The following AIM2 variants were observed in gnomAD, a reference collection of about 807,000 sequenced individuals.
AIM2 encodes interferon-inducible protein AIM2.
A neutral mutation model predicts 27.7 loss-of-function variants in AIM2; 30 were observed. The observed-to-expected ratio is 1.08, with a 90% CI of 0.81 to 1.47. The LOEUF (loss-of-function observed/expected upper bound fraction) is 1.47. Among genes scored for constraint, AIM2 ranks in the 40% most tolerant of loss-of-function variants. The pLI is 0.00. For synonymous variants in AIM2, 141 were observed against 145.3 expected, an observed-to-expected ratio of 0.97 and a Z score of 0.21; for missense variants, 358 against 411.3, an observed-to-expected ratio of 0.87 and a Z score of 1.12.
At chr1:159,083,239 G>A (rs1656823895) in intron 1 of AIM2, among the ~76,000 whole-genome samples, 1 of 152,178 alleles carries the variant, frequency 6.6e-6, no homozygotes, top group Admixed American at 6.5e-5. Flanking sequence ...AAAGTGGAAA[G>A]AGAGATGATG....
At chr1:159,139,705 G>A (rs1267644689) in intron 1 of AIM2, among the ~76,000 whole-genome samples, 2 of 152,134 alleles carry the variant, frequency 1.3e-5, no homozygotes, top group African/African-American at 2.4e-5. Flanking sequence ...TAAAGAGCTG[G>A]CTCTATCAAA....
chr1:159,065,446 CTCTT>C (rs1464658056), intron 4 of AIM2, among the ~76,000 whole-genome samples: 2 of 152,288 alleles, frequency 1.3e-5, no homozygotes, highest in Non-Finnish European at 2.9e-5. Flanking sequence ...CTCAGGCTAA[CTCTT>C]TCTTCTGTTT....
At position 159,066,016 on chromosome 1, in the gene AIM2, T is replaced by C. The variant is rs1321498233; in HGVS notation, c.710A>G (p.Asn237Ser). 6.2e-7 allele frequency: 1 copy of C among 1,614,200 alleles called. No individual in the cohort carries two copies. The highest frequency in any genetic ancestry group is 1.1e-5 in the South Asian group (1 of 91,090). Reference protein sequence around the residue: ...VLDAESDQKVNVPLNIIRKAG... With the variant: ...VLDAESDQKVSVPLNIIRKAG... Reference sequence around the variant, plus strand: ...TTTTCTGATAATGTTCAGCGGGACATTAACCTTTTGGTCAGATTCAGCATC... The same window carrying C: ...TTTTCTGATAATGTTCAGCGGGACACTAACCTTTTGGTCAGATTCAGCATC... The change falls in exon 4 of 6, where the codon AAT becomes AGT. Residue 237 changes from asparagine (N) to serine (S), a missense_variant. Coordinates refer to ENST00000368130, the MANE Select transcript of AIM2 (RefSeq NM_004833.3).
chr1:159,125,622 A>C (rs1647665845), intron 1 of AIM2, among the ~76,000 whole-genome samples: 1 of 152,186 alleles, frequency 6.6e-6, no homozygotes, highest in South Asian at 2.1e-4. Context: ...AGAAGCTATG[A>C]AATTTTGTCC....
At chr1:159,087,934 A>G (rs1217902008) in intron 1 of AIM2, among the ~76,000 whole-genome samples, 1 of 152,214 alleles carries the variant, frequency 6.6e-6, no homozygotes, top group African/African-American at 2.4e-5. Flanking sequence ...CTGCATTGCC[A>G]GAGTGATCCT....
Position 159,063,468 on chromosome 1 carries a change from G to T in AIM2, c.1005+18C>A, listed in dbSNP as rs757926703. The T allele has an allele frequency of 1.0e-5, 16 of 1,597,786 alleles. No homozygotes were observed. Among genetic ancestry groups the T allele is most frequent in the South Asian group, 5.7e-5 (5 of 87,806 alleles). On this transcript the variant is annotated intron_variant, in intron 5 of 5. Coordinates refer to ENST00000368130, the MANE Select transcript of AIM2 (RefSeq NM_004833.3). ...ATCACCCCCTTGGAGAGTTGACTTT[G>T]TTCCATGCAGTTCCCACCTTTATGG...
intron 1 of AIM2, among the ~76,000 whole-genome samples, chr1:159,121,200 G>A (rs1647526401): frequency 6.6e-6 from 1 of 152,166 alleles, no homozygotes; most frequent in African/African-American, 2.4e-5. Context: ...TCTATTGCCT[G>A]TATAAACTAG....
At chr1:159,063,366 G>C in intron 5 of AIM2, 120 bp downstream of exon 5, 1 of 917,440 alleles carries the variant, frequency 1.1e-6, no homozygotes, top group Non-Finnish European at 1.6e-6. Context: ...AGATGAACGT[G>C]TACTAAATAT....
At chr1:159,072,915 G>A (rs1198141167) in intron 2 of AIM2, among the ~76,000 whole-genome samples, 2 of 152,230 alleles carry the variant, frequency 1.3e-5, no homozygotes, top group Non-Finnish European at 2.9e-5. Flanking sequence ...GTTGGGAGAA[G>A]TTAACTTTGA....
At chr1:159,119,334 G>T (rs1261019337) in intron 1 of AIM2, among the ~76,000 whole-genome samples, 1 of 152,012 alleles carries the variant, frequency 6.6e-6, no homozygotes, top group Non-Finnish European at 1.5e-5. Flanking sequence ...TCAGAGTAAG[G>T]AGTTGGTGTA....
chr1:159,073,327 GC>G lies in AIM2; in HGVS notation c.172del (p.Ala58ArgfsTer5). On this transcript the variant is annotated frameshift_variant, in exon 2 of 6. Coordinates refer to ENST00000368130, the MANE Select transcript of AIM2 (RefSeq NM_004833.3). LOFTEE classifies it high-confidence loss of function. ...VATLMIQNAG[A>X]VSAVMKTIRI... ...AATGGTCTTCATCACTGCAGACACC[GC>G]CCCAGCATTTTGAATCATCAAGGTA... 6.2e-7 allele frequency: 1 copy of G among 1,614,124 alleles called. No individual in the cohort carries two copies. Among genetic ancestry groups the G allele is most frequent in the Non-Finnish European group, 8.5e-7 (1 of 1,180,018 alleles).
At chr1:159,069,686 G>A (rs1413170643) in intron 2 of AIM2, among the ~76,000 whole-genome samples, 2 of 151,984 alleles carry the variant, frequency 1.3e-5, no homozygotes, top group African/African-American at 2.4e-5. Context: ...GGGATTACAG[G>A]CTCATGCCAC....
chr1:159,146,730 G>GC (rs1448504059), intron 1 of AIM2, among the ~76,000 whole-genome samples: 1 of 151,966 alleles, frequency 6.6e-6, no homozygotes, highest in East Asian at 1.9e-4. Flanking sequence ...CTCTGTCTCT[G>GC]CCCCCCTTAG....
At chr1:159,110,791 T>C (rs1033789073) in intron 1 of AIM2, among the ~76,000 whole-genome samples, 1 of 152,244 alleles carries the variant, frequency 6.6e-6, no homozygotes, top group African/African-American at 2.4e-5. Context: ...AACCCTTCAC[T>C]GCACACATAT....
chr1:159,141,862 T>A (rs1275150813), upstream of AIM2, among the ~76,000 whole-genome samples: 1 of 152,196 alleles, frequency 6.6e-6, no homozygotes, highest in Non-Finnish European at 1.5e-5. Flanking sequence ...CTGGGTCCGA[T>A]GGTCCCCAGA....
intron 1 of AIM2, among the ~76,000 whole-genome samples, chr1:159,138,058 G>C (rs1292573754): frequency 2.0e-5 from 3 of 152,018 alleles, no homozygotes; most frequent in Non-Finnish European, 4.4e-5. Flanking sequence ...TTACAATTAG[G>C]GTATTATATT....
At chr1:159,088,164 G>C (rs1052264132) in intron 1 of AIM2, among the ~76,000 whole-genome samples, 5 of 152,262 alleles carry the variant, frequency 3.3e-5, no homozygotes, top group Admixed American at 2.6e-4. Flanking sequence ...TATCAGGCCT[G>C]CTTGAGGTCT....
At chr1:159,055,557 T>C in the AIM2 span, among the ~76,000 whole-genome samples, 5 of 152,340 alleles carry the variant, frequency 3.3e-5, no homozygotes, top group South Asian at 8.3e-4. Flanking sequence ...ATGTGAAATA[T>C]CTGGTTTTAT....
intron 1 of AIM2, among the ~76,000 whole-genome samples, chr1:159,113,021 T>G (rs1657614361): frequency 6.6e-6 from 1 of 151,916 alleles, no homozygotes; most frequent in South Asian, 2.1e-4. Context: ...CTCGGCTCAC[T>G]GCAAGCTCCG....
Sources: gnomAD v4.1 joint callset for allele counts (sites outside exome capture counted in the v4.1 genomes callset) on GRCh38, gnomAD v4.1.1 for gene constraint, MANE v1.5 for transcripts, NCBI Gene and HGNC (gene_info 2026-07-23, HGNC 2026-07-21) for gene names.